CNTNAP5: variants seen among roughly 807,000 people sequenced by gnomAD.
CNTNAP5 encodes contactin associated protein family member 5.
CNTNAP5 carries 72 observed loss-of-function variants against 150.2 expected under a neutral mutation model. The observed-to-expected ratio is 0.48, with a 90% CI of 0.40 to 0.58. The LOEUF is 0.58. Ranked by LOEUF, CNTNAP5 falls within the 20% of genes least tolerant of loss-of-function variation. CNTNAP5 has a pLI of 0.00. For synonymous variants in CNTNAP5, 672 were observed against 619.8 expected (o/e 1.08, Z -1.25); for missense variants, 1,636 against 1,626.2 (o/e 1.01, Z -0.10).
intron 21 of CNTNAP5, among the ~76,000 whole-genome samples, chr2:124,900,911 T>C (rs1183519696): frequency 6.6e-6 from 1 of 151,674 alleles, no homozygotes; most frequent in East Asian, 1.9e-4. Flanking sequence ...CTGGGTACAG[T>C]GAGTTCTGGT....
At chr2:124,076,615 T>A (rs1682444139) in intron 1 of CNTNAP5, among the ~76,000 whole-genome samples, 1 of 152,178 alleles carries the variant, frequency 6.6e-6, no homozygotes, top group African/African-American at 2.4e-5. Context: ...AAAGGAGGAC[T>A]ATATGACACC....
intron 8 of CNTNAP5, among the ~76,000 whole-genome samples, chr2:124,514,100 C>T (rs1694653054): frequency 6.6e-6 from 1 of 152,200 alleles, no homozygotes; most frequent in Non-Finnish European, 1.5e-5. Flanking sequence ...AACAAGCTGT[C>T]TGGTTTGAGT....
chr2:124,363,012 TG>T (rs1406421708), intron 3 of CNTNAP5, among the ~76,000 whole-genome samples: 1 of 152,210 alleles, frequency 6.6e-6, no homozygotes, highest in Non-Finnish European at 1.5e-5. Flanking sequence ...CATCAATGGA[TG>T]TGGCTTATAA....
intron 8 of CNTNAP5, among the ~76,000 whole-genome samples, chr2:124,513,010 G>C (rs1694628465): frequency 6.6e-6 from 1 of 152,180 alleles, no homozygotes; most frequent in African/African-American, 2.4e-5. Flanking sequence ...AGGCAGGCCA[G>C]GTGCCTTGTT....
chr2:124,628,056 T>C (rs1677767796), intron 12 of CNTNAP5, among the ~76,000 whole-genome samples: 1 of 152,306 alleles, frequency 6.6e-6, no homozygotes, highest in South Asian at 2.1e-4. Flanking sequence ...CCAAGAATTA[T>C]GGTGCTATGT....
At position 124,153,944 on chromosome 2, in the gene CNTNAP5, A is replaced by G. The variant is rs114566977; in HGVS notation, c.83-67761A>G. On this transcript the variant is annotated intron_variant, in intron 1 of 23. Transcript: ENST00000682447. ...CTTTTTTTCTTTTTTTTAATAGGAC[A>G]TTAATCCTATTTCTGAGAAATCTGC... is the stretch of plus-strand genomic sequence containing the variant. 4.9e-3 allele frequency among the ~76,000 whole-genome samples: 749 copies of G among 151,844 alleles called. 3 individuals carry two copies. The highest frequency in any genetic ancestry group is 7.7e-3 in the Non-Finnish European group (526 of 67,962).
intron 1 of CNTNAP5, among the ~76,000 whole-genome samples, chr2:124,103,926 T>C (rs1008210475): frequency 6.8e-6 from 1 of 147,660 alleles, no homozygotes; most frequent in African/African-American, 2.5e-5. Flanking sequence ...ATATAGATTA[T>C]ATATTATATA....
intron 13 of CNTNAP5, among the ~76,000 whole-genome samples, chr2:124,730,139 A>T (rs1454113445): frequency 6.6e-6 from 1 of 152,110 alleles, no homozygotes; most frequent in African/African-American, 2.4e-5. Flanking sequence ...GCACCATGTT[A>T]TCTGAAAAAA....
intron 6 of CNTNAP5, among the ~76,000 whole-genome samples, chr2:124,461,402 T>C (rs533539059): frequency 3.1e-4 from 47 of 151,682 alleles, no homozygotes; most frequent in Middle Eastern, 3.4e-3. Context: ...TTGGAAATCA[T>C]CATTCTCAGT....
At chr2:124,240,195 A>G (rs2104764311) in intron 2 of CNTNAP5, among the ~76,000 whole-genome samples, 1 of 152,336 alleles carries the variant, frequency 6.6e-6, no homozygotes, top group East Asian at 1.9e-4. Flanking sequence ...AGTCCAATGC[A>G]CAATGACTTA....
intron 11 of CNTNAP5, among the ~76,000 whole-genome samples, chr2:124,563,641 A>G (rs527851088): frequency 6.6e-6 from 1 of 152,310 alleles, no homozygotes; most frequent in South Asian, 2.1e-4. Flanking sequence ...AGTCAATTGC[A>G]TAGTCTTGAT....
At chr2:124,166,292 C>T (rs1684809267) in intron 1 of CNTNAP5, among the ~76,000 whole-genome samples, 1 of 152,088 alleles carries the variant, frequency 6.6e-6, no homozygotes, top group Non-Finnish European at 1.5e-5. Context: ...CTGATTAAAG[C>T]ATCATGTGGG....
At chr2:124,800,296 C>A (rs777378411) in intron 19 of CNTNAP5, among the ~76,000 whole-genome samples, 1 of 152,116 alleles carries the variant, frequency 6.6e-6, no homozygotes, top group African/African-American at 2.4e-5. Flanking sequence ...ACCTGTCAGG[C>A]CATGCCTAGG....
intron 19 of CNTNAP5, among the ~76,000 whole-genome samples, chr2:124,807,720 C>T (rs561137725): frequency 1.3e-3 from 191 of 152,308 alleles, no homozygotes; most frequent in African/African-American, 4.5e-3. Context: ...TCTCAAGGAA[C>T]CTGCCATGTT....
intron 3 of CNTNAP5, among the ~76,000 whole-genome samples, chr2:124,352,513 G>C (rs1365610231): frequency 1.3e-5 from 2 of 152,180 alleles, no homozygotes; most frequent in Non-Finnish European, 2.9e-5. Context: ...AGAGTTTTCA[G>C]AGTCCTCGGT....
At chr2:124,889,430 A>G (rs772437235) in intron 21 of CNTNAP5, among the ~76,000 whole-genome samples, 1 of 151,992 alleles carries the variant, frequency 6.6e-6, no homozygotes, top group Non-Finnish European at 1.5e-5. Flanking sequence ...TAATTTTTGT[A>G]TATTGTGAAA....
intron 1 of CNTNAP5, among the ~76,000 whole-genome samples, chr2:124,154,790 G>T (rs186269325): frequency 2.6e-4 from 40 of 152,216 alleles, no homozygotes; most frequent in Non-Finnish European, 5.1e-4. Context: ...AAGCCCAGGG[G>T]TTCTTCTCCT....
chr2:124,064,812 G>A (rs577880312), intron 1 of CNTNAP5, among the ~76,000 whole-genome samples: 2 of 151,964 alleles, frequency 1.3e-5, no homozygotes, highest in Non-Finnish European at 2.9e-5. Flanking sequence ...TAAAGCATGT[G>A]GTTTTCCCAC....
chr2:124,216,359 A>G (rs1264998290), intron 1 of CNTNAP5, among the ~76,000 whole-genome samples: 2 of 152,240 alleles, frequency 1.3e-5, no homozygotes, highest in East Asian at 1.9e-4. Context: ...ATTGCATCAG[A>G]GTTTTTTTTT....
Sources: gnomAD v4.1 joint callset for allele counts (sites outside exome capture counted in the v4.1 genomes callset) on GRCh38, gnomAD v4.1.1 for gene constraint, MANE v1.5 for transcripts, NCBI Gene and HGNC (gene_info 2026-07-23, HGNC 2026-07-21) for gene names.